Variants in KIAA1328 observed in about 807,000 individuals in gnomAD.
The protein encoded by KIAA1328 is protein hinderin.
KIAA1328 carries 52 observed loss-of-function variants against 68.1 expected under a neutral mutation model. The ratio of observed to expected loss-of-function variants is 0.76; its 90% CI spans 0.61 to 0.96. The LOEUF (loss-of-function observed/expected upper bound fraction) is 0.96. Ranked by LOEUF, KIAA1328 falls within the 40% of genes least tolerant of loss-of-function variation. The probability of loss-of-function intolerance (pLI) is 0.00; values close to 1 mark genes in which losing one functional copy is unlikely to be tolerated. For synonymous variants in KIAA1328, 232 were observed against 239.4 expected, an observed-to-expected ratio of 0.97 and a Z score of 0.28; for missense variants, 641 against 677.6, an observed-to-expected ratio of 0.95 and a Z score of 0.60.
At chr18:36,978,450 C>T (rs1246997681) in intron 6 of KIAA1328, among the ~76,000 whole-genome samples, 1 of 152,190 alleles carries the variant, frequency 6.6e-6, no homozygotes, top group Non-Finnish European at 1.5e-5. Flanking sequence ...TGCATATTGC[C>T]AGCGAAGGGC....
In KIAA1328 at chr18:37,002,389, T is replaced by A. The variant is rs567075256; in HGVS notation, c.576+42954T>A. 1.3e-3 allele frequency among the ~76,000 whole-genome samples: 203 copies of A among 152,000 alleles called. 2 individuals are homozygous for A. In the South Asian group the frequency reaches 0.039, roughly 29 times the overall value. On this transcript the variant is annotated intron_variant, in intron 6 of 9. Transcript: ENST00000280020. ...ATGTCTGGATAATTTTTAATTTTTT[T>A]ATTTTTTATTTGTAGAGATGGAGTC...
chr18:37,201,118 G>C (rs1296790085), intron 9 of KIAA1328, among the ~76,000 whole-genome samples: 14 of 152,192 alleles, frequency 9.2e-5, no homozygotes, highest in African/African-American at 3.1e-4. Flanking sequence ...TGAAATCTTT[G>C]ATCTATATCA....
chr18:37,087,889 A>G lies in KIAA1328; in HGVS notation c.1232+20344A>G, dbSNP rs182340132. On this transcript the variant is annotated intron_variant, in intron 7 of 9. Coordinates refer to ENST00000280020, the MANE Select transcript of KIAA1328 (RefSeq NM_020776.3). ...TTAACTATATGGATTTCTGCCCTCA[A>G]TGTATTTCAGGCCCCAAGTTCAGGG... Among the ~76,000 whole-genome samples the G allele has an allele frequency of 2.2e-4, 34 of 152,198 alleles. No individual in the cohort carries two copies. The East Asian group carries it at 5.0e-3, about 22-fold the overall frequency.
At chr18:37,077,432 A>G (rs1356512568) in intron 7 of KIAA1328, among the ~76,000 whole-genome samples, 2 of 149,486 alleles carry the variant, frequency 1.3e-5, no homozygotes, top group Non-Finnish European at 3.0e-5. Flanking sequence ...CAAGACAGGG[A>G]TGCCCTCTCT....
At chr18:37,201,209 C>T (rs1347474514) in intron 9 of KIAA1328, among the ~76,000 whole-genome samples, 1 of 152,100 alleles carries the variant, frequency 6.6e-6, no homozygotes, top group African/African-American at 2.4e-5. Context: ...ATGAGAGATA[C>T]ATAACATTAG....
chr18:36,925,879 G>A (rs1455333369), intron 5 of KIAA1328, among the ~76,000 whole-genome samples: 3 of 151,972 alleles, frequency 2.0e-5, no homozygotes, highest in African/African-American at 7.2e-5. Flanking sequence ...CTTCTTTGGA[G>A]CCCTTAATTT....
At chr18:37,230,388 A>T (rs2060659329), downstream of KIAA1328, 1 of 152,210 alleles carries the variant, frequency 6.6e-6, no homozygotes, top group East Asian at 1.9e-4. Context: ...AGTAGTTTCT[A>T]AAGGCACTGT....
chr18:36,830,091 T>C (rs938284425), intron 1 of KIAA1328, among the ~76,000 whole-genome samples: 2 of 152,160 alleles, frequency 1.3e-5, no homozygotes, highest in African/African-American at 2.4e-5. Context: ...TTTGCTAGGA[T>C]TGGTGATGGC....
chr18:37,128,077 T>G (rs747991191), intron 7 of KIAA1328, among the ~76,000 whole-genome samples: 1 of 152,220 alleles, frequency 6.6e-6, no homozygotes, highest in Non-Finnish European at 1.5e-5. Flanking sequence ...AACTCACACT[T>G]AAATATGTAA....
At chr18:37,211,160 T>G (rs930191704) in intron 9 of KIAA1328, among the ~76,000 whole-genome samples, 1 of 152,242 alleles carries the variant, frequency 6.6e-6, no homozygotes, top group Non-Finnish European at 1.5e-5. Flanking sequence ...TAACCTTCTT[T>G]TGCTTTTGCT....
intron 4 of KIAA1328, among the ~76,000 whole-genome samples, chr18:36,879,270 G>A (rs954780750): frequency 3.9e-5 from 6 of 151,900 alleles, no homozygotes; most frequent in African/African-American, 1.5e-4. Context: ...CCTTCTAATA[G>A]TCAGTCCCCT....
At chr18:36,980,266 C>A (rs941653750) in intron 6 of KIAA1328, among the ~76,000 whole-genome samples, 2 of 152,138 alleles carry the variant, frequency 1.3e-5, no homozygotes, top group Non-Finnish European at 2.9e-5. Context: ...GCCAATGAGT[C>A]CCTCCTTATA....
At chr18:37,007,607 T>A (rs2053828651) in intron 6 of KIAA1328, among the ~76,000 whole-genome samples, 1 of 152,170 alleles carries the variant, frequency 6.6e-6, no homozygotes, top group Non-Finnish European at 1.5e-5. Context: ...AATTCGATGA[T>A]AATATAAATA....
At chr18:37,014,537 C>A (rs1203407837) in intron 6 of KIAA1328, among the ~76,000 whole-genome samples, 1 of 152,142 alleles carries the variant, frequency 6.6e-6, no homozygotes, top group African/African-American at 2.4e-5. Flanking sequence ...AGTTGGCTTG[C>A]AGTTCCTCAG....
At chr18:37,132,007 ATTAAT>A (rs1175659914) in intron 7 of KIAA1328, among the ~76,000 whole-genome samples, 3 of 152,164 alleles carry the variant, frequency 2.0e-5, no homozygotes, top group East Asian at 1.9e-4. Context: ...TTAAAATGCT[ATTAAT>A]TTATTTTTGC....
At chr18:37,041,648 GT>G (rs2056025937) in intron 6 of KIAA1328, among the ~76,000 whole-genome samples, 1 of 22,026 alleles carries the variant, frequency 4.5e-5, no homozygotes, top group Non-Finnish European at 1.4e-4. Flanking sequence ...GTTTGTGTGT[GT>G]GTGTGTGTGT....
chr18:37,111,216 A>G (rs1429421564), intron 7 of KIAA1328, among the ~76,000 whole-genome samples: 1 of 152,236 alleles, frequency 6.6e-6, no homozygotes, highest in Non-Finnish European at 1.5e-5. Context: ...CAGGCTATCA[A>G]GAAGATCAGG....
intron 5 of KIAA1328, among the ~76,000 whole-genome samples, chr18:36,890,725 A>G (rs2048658803): frequency 6.6e-6 from 1 of 152,238 alleles, no homozygotes; most frequent in East Asian, 1.9e-4. Context: ...GAACATTTCA[A>G]AGACTCCTGA....
chr18:37,200,804 C>T (rs912063009), intron 9 of KIAA1328, among the ~76,000 whole-genome samples: 12 of 139,366 alleles, frequency 8.6e-5, no homozygotes, highest in Non-Finnish European at 1.7e-4. Flanking sequence ...GGCGACAGAG[C>T]GAGACTCCGT....
Sources: gnomAD v4.1 joint callset for allele counts (sites outside exome capture counted in the v4.1 genomes callset) on GRCh38, gnomAD v4.1.1 for gene constraint, MANE v1.5 for transcripts, NCBI Gene and HGNC (gene_info 2026-07-23, HGNC 2026-07-21) for gene names.